The following PUS10 variants were observed in gnomAD, a reference collection of about 807,000 sequenced individuals.
PUS10 encodes the protein tRNA pseudouridine synthase Pus10.
PUS10 carries 59 observed loss-of-function variants against 75.0 expected under a neutral mutation model. The observed-to-expected ratio is 0.79, with a 90% CI of 0.64 to 0.98. The LOEUF (loss-of-function observed/expected upper bound fraction) is 0.98, where lower values mean the gene tolerates loss of function less well. Ranked by LOEUF, PUS10 falls within the 50% of genes least tolerant of loss-of-function variation. PUS10 has a pLI of 0.00. For missense variants in PUS10, 650 were observed against 614.4 expected, an observed-to-expected ratio of 1.06 and a Z score of -0.61; for synonymous variants, 219 against 211.6, an observed-to-expected ratio of 1.03 and a Z score of -0.30.
intron 9 of PUS10, among the ~76,000 whole-genome samples, chr2:60,962,429 C>T (rs541115802): frequency 1.3e-4 from 20 of 152,170 alleles, no homozygotes; most frequent in East Asian, 7.7e-4. Context: ...AAAAATTAGC[C>T]GGGCAGTGGT....
At position 60,965,431 on chromosome 2, in the gene PUS10, G is replaced by A. The variant is rs374126410; in HGVS notation, c.669C>T (p.Cys223=). The A allele has an allele frequency of 1.2e-6, 2 of 1,610,448 alleles. No homozygotes were observed. The highest frequency in any genetic ancestry group is 1.7e-6 in the Non-Finnish European group (2 of 1,178,286). ...VFAHPETVED[C]HFLAAICPDC... is the part of the protein sequence containing the mutation. ...TTTACATGGCAACTTACAGGAAGTG[G>A]CAATCCTCAACTGTTTCTGGGTGAG... Residue 223 remains cysteine, a synonymous_variant, in exon 7 of 18, where the codon TGC becomes TGT. Transcript: ENST00000316752.
intron 9 of PUS10, 24 bp from the exon 10 acceptor site, chr2:60,961,572 A>G (rs1676030591): frequency 6.3e-7 from 1 of 1,585,096 alleles, no homozygotes; most frequent in Non-Finnish European, 8.7e-7. Context: ...TAAATTTTAT[A>G]GCTATTTTCC....
intron 17 of PUS10, among the ~76,000 whole-genome samples, chr2:60,943,762 T>TTGTGTGTGTGTGTG (rs56232022): frequency 7.4e-4 from 108 of 146,832 alleles, no homozygotes; most frequent in African/African-American, 2.6e-3. Context: ...GATCACAATC[T>TTGTGTGTGTGTGTG]TGTGTGTGTG....
rs1475974838 is a variant in PUS10 at position 60,988,142 on chromosome 2, G to A, written c.469-16585C>T. 5.3e-5 allele frequency among the ~76,000 whole-genome samples: 8 copies of A among 151,876 alleles called. No homozygotes were observed. The South Asian group carries it at 1.7e-3, about 32-fold the overall frequency. On this transcript the variant is annotated intron_variant, in intron 4 of 17. Coordinates refer to ENST00000316752, the MANE Select transcript of PUS10 (RefSeq NM_144709.4). ...TTAAATAACTAAACAAACTTTAAAA[G>A]GCCTAGGCTCACGAGATGTCAAAAA...
intron 17 of PUS10, 82 bp from the exon 18 acceptor site, chr2:60,942,515 G>C: frequency 9.2e-7 from 1 of 1,086,408 alleles, no homozygotes; most frequent in Non-Finnish European, 1.4e-6. Context: ...AAATTTAATA[G>C]TTTTAATATA....
chr2:60,948,214 G>A, intron 15 of PUS10, 29 bp from the exon 16 acceptor site: 1 of 1,612,178 alleles, frequency 6.2e-7, no homozygotes, highest in Non-Finnish European at 8.5e-7. Context: ...CACAGTCCCA[G>A]AGTCAGAGCT....
rs1231469811 is a variant in PUS10, at chr2:60,967,586, A to T, written c.531T>A (p.Asp177Glu). The T allele has an allele frequency of 6.2e-7, 1 of 1,607,052 alleles. No individual in the cohort carries two copies. Among genetic ancestry groups the T allele is most frequent in the East Asian group, 2.2e-5 (1 of 44,588 alleles). The change falls in exon 6 of 18, where the codon GAT (aspartate) becomes GAA (glutamate). Residue 177 changes from aspartate to glutamate, a missense_variant. Asp to Glu is a conservative substitution (Grantham distance 45, BLOSUM62 2). Coordinates refer to ENST00000316752, the MANE Select transcript of PUS10 (RefSeq NM_144709.4). The stretch of plus-strand genomic sequence containing the variant: ...AGGCTTCTTTTAGCTGAACTATATC[A>T]TCTCTTCCCAGCGACAGACTCTGCT... The part of the protein sequence containing the change: ...MGKQSLSLGR[D>E]DIVQLKEAYK...
chr2:60,968,921 AT>A (rs1676502404), intron 5 of PUS10, among the ~76,000 whole-genome samples: 1 of 152,188 alleles, frequency 6.6e-6, no homozygotes, highest in Non-Finnish European at 1.5e-5. Flanking sequence ...GATTTTAGGT[AT>A]TTTAAAAGAC....
chr2:60,950,528 A>G (rs1573386068), intron 15 of PUS10, among the ~76,000 whole-genome samples: 1 of 152,012 alleles, frequency 6.6e-6, no homozygotes, highest in African/African-American at 2.4e-5. Flanking sequence ...AGCTATTCTC[A>G]TGCCTCATCT....
chr2:60,943,041 A>AAG (rs1364988710), intron 17 of PUS10, among the ~76,000 whole-genome samples: 5 of 150,452 alleles, frequency 3.3e-5, no homozygotes, highest in African/African-American at 5.0e-5. Flanking sequence ...TCTCAGAAAA[A>AAG]AAAAAAAAAA....
At chr2:61,001,705 C>T (rs757209382) in intron 4 of PUS10, among the ~76,000 whole-genome samples, 3 of 152,150 alleles carry the variant, frequency 2.0e-5, no homozygotes, top group African/African-American at 4.8e-5. Context: ...ATAGGCCAAA[C>T]TAAAAAGTCA....
chr2:60,969,893 G>T (rs1354140234), intron 5 of PUS10, among the ~76,000 whole-genome samples: 1 of 152,130 alleles, frequency 6.6e-6, no homozygotes, highest in Non-Finnish European at 1.5e-5. Flanking sequence ...TAAGAGACCA[G>T]CGTGGCCAAC....
chr2:61,008,216 C>A (rs1452646789), intron 3 of PUS10, among the ~76,000 whole-genome samples: 2 of 150,992 alleles, frequency 1.3e-5, no homozygotes, highest in Non-Finnish European at 3.0e-5. Context: ...GGAGATCCTG[C>A]CTCTACAAAA....
rs756708930 is a variant in PUS10, at chr2:60,945,004, T to G, written c.1551+5A>C. 9.3e-6 allele frequency: 15 copies of G among 1,608,696 alleles called. No individual in the cohort carries two copies. In the South Asian group the frequency reaches 1.6e-4, roughly 18 times the overall value. On this transcript the variant is annotated splice_donor_5th_base_variant and intron_variant, in intron 17 of 17. Coordinates refer to ENST00000316752, the MANE Select transcript of PUS10 (RefSeq NM_144709.4). ...CAATGTGCATTCCACAACAAAATGG[T>G]TTACCTCAACATCCAGCTCCAGAAT...
intron 10 of PUS10, among the ~76,000 whole-genome samples, chr2:60,960,904 G>C (rs919843411): frequency 1.3e-5 from 2 of 148,758 alleles, no homozygotes; most frequent in East Asian, 3.9e-4. Context: ...TAAAGCTACA[G>C]TAAGGCAGGT....
intron 5 of PUS10, among the ~76,000 whole-genome samples, chr2:60,968,105 A>G (rs1383341384): frequency 6.6e-6 from 1 of 152,214 alleles, no homozygotes; most frequent in Admixed American, 6.5e-5. Context: ...CTGAAGAAGA[A>G]ATATTAAATC....
At position 60,941,051 on chromosome 2, in the gene PUS10, A is replaced by G. The variant is rs897776596; in HGVS notation, c.*1344T>C. 1 of 152,284 alleles carries G rather than the reference A, an allele frequency of 6.6e-6. No individual in the cohort carries two copies. Among genetic ancestry groups the G allele is most frequent in the Non-Finnish European group, 1.5e-5 (1 of 67,996 alleles). 9.4% of individuals were successfully genotyped at this position (152,284 alleles called of 1,614,324 possible). A position where few individuals can be genotyped will look rare whatever the true frequency, so the allele number is the denominator to read the frequency against. ...GAGATGGGAAATGGTTAGTAATCTA[A>G]TACTAGTCAAGTCACATGTATTCTT... On this transcript the variant is annotated 3_prime_UTR_variant, in exon 18 of 18. Coordinates refer to ENST00000316752, the MANE Select transcript of PUS10 (RefSeq NM_144709.4).
At chr2:60,967,303 G>C in intron 6 of PUS10, 199 bp downstream of exon 6, 1 of 426,400 alleles carries the variant, frequency 2.3e-6, no homozygotes, top group South Asian at 2.5e-5. Flanking sequence ...AGATCATAAA[G>C]AAGTCTAAGG....
At chr2:61,000,038 G>A (rs1573499552) in intron 4 of PUS10, among the ~76,000 whole-genome samples, 1 of 151,808 alleles carries the variant, frequency 6.6e-6, no homozygotes, top group Non-Finnish European at 1.5e-5. Context: ...TCTGTGAGGG[G>A]CTCGGGGGTC....
Sources: allele counts gnomAD v4.1 joint callset (sites outside exome capture counted in the v4.1 genomes callset), GRCh38; gene constraint gnomAD v4.1.1; transcripts MANE v1.5; gene names NCBI Gene and HGNC (gene_info 2026-07-23, HGNC 2026-07-21).